Variants in NALF1 observed in about 807,000 individuals in gnomAD.
NALF1 encodes the protein family with sequence similarity 155 member A.
Under a neutral mutation model 48.4 loss-of-function variants are expected in NALF1, and 3 were observed. The observed-to-expected ratio is 0.06, with a 90% CI of 0.03 to 0.16. The LOEUF (loss-of-function observed/expected upper bound fraction) is 0.16, where lower values mean the gene tolerates loss of function less well. Among genes scored for constraint, NALF1 ranks in the 10% least tolerant of loss-of-function variants. The pLI is 1.00. For missense variants in NALF1, 526 were observed against 571.5 expected (o/e 0.92, Z 0.81); for synonymous variants, 262 against 245.7 (o/e 1.07, Z -0.62).
intron 1 of NALF1, among the ~76,000 whole-genome samples, chr13:107,724,358 A>G (rs1262396978): frequency 1.3e-5 from 2 of 152,182 alleles, no homozygotes; most frequent in Non-Finnish European, 2.9e-5. Flanking sequence ...AAAAGAAATC[A>G]CCTTCTAGAA....
chr13:107,593,292 C>G (rs572219491), intron 1 of NALF1, among the ~76,000 whole-genome samples: 7 of 151,766 alleles, frequency 4.6e-5, no homozygotes, highest in Non-Finnish European at 8.8e-5. Context: ...GAATTATTTA[C>G]CTGATGAAAA....
chr13:107,461,864 A>C (rs1339806414), intron 1 of NALF1, among the ~76,000 whole-genome samples: 1 of 152,166 alleles, frequency 6.6e-6, no homozygotes, highest in Non-Finnish European at 1.5e-5. Flanking sequence ...ACAGAATTCT[A>C]AATTGAACTA....
chr13:107,489,196 T>C (rs1885377655), intron 1 of NALF1, among the ~76,000 whole-genome samples: 1 of 152,080 alleles, frequency 6.6e-6, no homozygotes, highest in African/African-American at 2.4e-5. Flanking sequence ...ATTAAAATAG[T>C]CATACTGCCT....
chr13:107,857,894 G>T (rs1446029969), intron 1 of NALF1, among the ~76,000 whole-genome samples: 1 of 151,954 alleles, frequency 6.6e-6, no homozygotes, highest in Non-Finnish European at 1.5e-5. Context: ...CCCATTTACT[G>T]GGCATCATCA....
At chr13:107,614,185 C>G (rs1373673654) in intron 1 of NALF1, among the ~76,000 whole-genome samples, 1 of 152,140 alleles carries the variant, frequency 6.6e-6, no homozygotes, top group African/African-American at 2.4e-5. Context: ...TCTCATATCA[C>G]AGCAAGATCA....
intron 1 of NALF1, among the ~76,000 whole-genome samples, chr13:107,435,334 A>AC (rs1411251165): frequency 1.3e-5 from 2 of 151,938 alleles, no homozygotes; most frequent in African/African-American, 4.8e-5. Flanking sequence ...ATTAGAAAAA[A>AC]AAAAATCAAA....
intron 1 of NALF1, among the ~76,000 whole-genome samples, chr13:107,535,235 G>C (rs980728390): frequency 6.6e-6 from 1 of 152,090 alleles, no homozygotes; most frequent in South Asian, 2.1e-4. Context: ...GGAGTGGTGA[G>C]AGAGGGCACC....
chr13:107,865,455 G>A (rs931366919), intron 1 of NALF1, among the ~76,000 whole-genome samples: 4 of 152,126 alleles, frequency 2.6e-5, no homozygotes, highest in African/African-American at 7.2e-5. Flanking sequence ...AGATAACCGG[G>A]GACTTCCCTG....
chr13:107,424,238 A>G (rs1416742253), intron 1 of NALF1, among the ~76,000 whole-genome samples: 1 of 152,128 alleles, frequency 6.6e-6, no homozygotes, highest in Non-Finnish European at 1.5e-5. Context: ...CCCAGGCTTA[A>G]GCCTTTCTTC....
At chr13:107,384,729 C>A (rs1883499144) in intron 1 of NALF1, among the ~76,000 whole-genome samples, 1 of 152,014 alleles carries the variant, frequency 6.6e-6, no homozygotes, top group Non-Finnish European at 1.5e-5. Flanking sequence ...GTATTTGAAA[C>A]AAAAGAAGGT....
chr13:107,592,223 G>A (rs1234519651), intron 1 of NALF1, among the ~76,000 whole-genome samples: 2 of 151,824 alleles, frequency 1.3e-5, no homozygotes, highest in African/African-American at 2.4e-5. Flanking sequence ...ACCTCAAAAT[G>A]TGATATTTGC....
intron 1 of NALF1, among the ~76,000 whole-genome samples, chr13:107,653,301 G>A (rs1426294231): frequency 1.3e-5 from 2 of 149,806 alleles, no homozygotes; most frequent in East Asian, 1.9e-4. Flanking sequence ...CGTAGGGGGA[G>A]AAGGAAATTG....
chr13:107,326,932 C>T (rs1882375281), intron 1 of NALF1, among the ~76,000 whole-genome samples: 1 of 151,128 alleles, frequency 6.6e-6, no homozygotes, highest in South Asian at 2.1e-4. Flanking sequence ...AGATCCTGGT[C>T]TCCACTGGGC....
chr13:107,177,509 C>T (rs1878962659), intron 2 of NALF1, among the ~76,000 whole-genome samples: 2 of 152,114 alleles, frequency 1.3e-5, no homozygotes, highest in South Asian at 4.1e-4. Context: ...TGCAGAGGTA[C>T]AGTCACCAAA....
chr13:107,552,655 C>T (rs1166893851), intron 1 of NALF1, among the ~76,000 whole-genome samples: 1 of 152,124 alleles, frequency 6.6e-6, no homozygotes, highest in Non-Finnish European at 1.5e-5. Context: ...TCCCACTTCA[C>T]TGTTTGATAT....
At chr13:107,784,990 G>A (rs992834039) in intron 1 of NALF1, among the ~76,000 whole-genome samples, 16 of 151,954 alleles carry the variant, frequency 1.1e-4, no homozygotes, top group South Asian at 2.1e-4. Flanking sequence ...GCAAAATCGC[G>A]GAACCAACCC....
At chr13:107,736,318 G>C (rs940463191) in intron 1 of NALF1, among the ~76,000 whole-genome samples, 9 of 152,024 alleles carry the variant, frequency 5.9e-5, no homozygotes, top group African/African-American at 2.2e-4. Flanking sequence ...GGCGGCGGCG[G>C]CATTTCTTAG....
intron 1 of NALF1, among the ~76,000 whole-genome samples, chr13:107,730,619 A>G (rs1482472296): frequency 1.3e-5 from 2 of 152,218 alleles, no homozygotes; most frequent in Non-Finnish European, 2.9e-5. Context: ...CAGCTATGAC[A>G]GCTCAGAAAC....
chr13:107,339,971 A>G (rs773150025), intron 1 of NALF1, among the ~76,000 whole-genome samples: 3 of 152,006 alleles, frequency 2.0e-5, no homozygotes, highest in African/African-American at 7.3e-5. Context: ...CAATTCTCTC[A>G]TTATATTTCC....
Sources: gnomAD v4.1 joint callset for allele counts (sites outside exome capture counted in the v4.1 genomes callset) on GRCh38, gnomAD v4.1.1 for gene constraint, MANE v1.5 for transcripts, NCBI Gene and HGNC (gene_info 2026-07-23, HGNC 2026-07-21) for gene names.